Variants in ABCC9 observed in about 807,000 individuals in gnomAD.
The protein encoded by ABCC9 is ATP binding cassette subfamily C member 9.
Under a neutral mutation model 188.3 loss-of-function variants are expected in ABCC9, and 95 were observed. The ratio of observed to expected loss-of-function variants is 0.50; its 90% CI spans 0.43 to 0.60. The LOEUF (loss-of-function observed/expected upper bound fraction) is 0.60, where lower values mean the gene tolerates loss of function less well. Ranked by LOEUF, ABCC9 falls within the 20% of genes least tolerant of loss-of-function variation. The pLI is 0.00. For missense variants in ABCC9, 1,102 were observed against 1,876.3 expected, an observed-to-expected ratio of 0.59 and a Z score of 7.62; for synonymous variants, 659 against 652.7, an observed-to-expected ratio of 1.01 and a Z score of -0.15.
At chr12:21,849,809 A>C (rs538882321) in intron 24 of ABCC9, among the ~76,000 whole-genome samples, 1 of 152,280 alleles carries the variant, frequency 6.6e-6, no homozygotes, top group Non-Finnish European at 1.5e-5. Flanking sequence ...AGGAGTGTTA[A>C]ATAATACCAG....
At position 21,882,645 on chromosome 12, in the gene ABCC9, G is replaced by A. The variant is rs1946678256; in HGVS notation, c.2019+121C>T. ...AGAATTTTTTTTTAAATGTTATTAG[G>A]GTTAATGACAACTGTAAAAACAATT... On this transcript the variant is annotated intron_variant, in intron 16 of 39. Transcript: ENST00000261200. 134 of 856,748 alleles carry A rather than the reference G, an allele frequency of 1.6e-4. 2 individuals are homozygous for A. In the South Asian group the frequency reaches 2.0e-3, roughly 13 times the overall value. The allele number at this position is 856,748 out of a possible 1,614,324, so 53.1% of individuals were successfully genotyped here.
At position 21,812,035 on chromosome 12, in the gene ABCC9, AAT is replaced by A. The variant is rs1483541485; in HGVS notation, c.4211+12_4211+13del. ...ATCCTAAGGCATACAGGTGTTGCTA[AAT>A]ATGTTACCTACCTAATGGAACCACT... On this transcript the variant is annotated intron_variant, in intron 36 of 39. Coordinates refer to ENST00000261200, the MANE Select transcript of ABCC9 (RefSeq NM_020297.4). The A allele has an allele frequency of 6.4e-7, 1 of 1,566,606 alleles. No homozygotes were observed. The highest frequency in any genetic ancestry group is 1.1e-5 in the South Asian group (1 of 90,164).
At chr12:21,894,258 C>G in intron 13 of ABCC9, 84 bp from the exon 14 acceptor site, 1 of 1,443,584 alleles carries the variant, frequency 6.9e-7, no homozygotes. Context: ...CTAACATATT[C>G]TGCTATGCCA....
chr12:21,829,021 C>G lies in ABCC9; in HGVS notation c.3606G>C (p.Thr1202=), dbSNP rs143316915. The change falls in exon 31 of 40, where the codon ACG becomes ACC. Residue 1202 remains threonine, a synonymous_variant. Coordinates refer to ENST00000261200, the MANE Select transcript of ABCC9 (RefSeq NM_020297.4). The part of the protein sequence containing the change: ...TRFKQRMLEL[T]DTNNIAYLFL... ...ATAAGTAGGCAATGTTGTTTGTATC[C>G]GTCAGTTCCAGCATACGTTGTTTAA... is the stretch of plus-strand genomic sequence containing the variant. 1 of 1,613,740 alleles carries G rather than the reference C, an allele frequency of 6.2e-7. No individual in the cohort carries two copies. Among genetic ancestry groups the G allele is most frequent in the African/African-American group, 1.3e-5 (1 of 74,840 alleles).
At position 21,848,396 on chromosome 12, in the gene ABCC9, A is replaced by G. The variant is rs1312500010; in HGVS notation, c.2770-150T>C. ...TGGAGATCCACAACTCCTGTCACAG[A>G]AACAGCTGTGGGGGCAGAACCTTAG... On this transcript the variant is annotated intron_variant, in intron 24 of 39. Transcript: ENST00000261200. 5 of 714,434 alleles carry G rather than the reference A, an allele frequency of 7.0e-6. No individual in the cohort carries two copies. In the Admixed American group the frequency reaches 1.0e-4, roughly 15 times the overall value. 44.3% of individuals were successfully genotyped at this position (714,434 alleles called of 1,614,324 possible).
chr12:21,855,615 C>T (rs1289814884), intron 22 of ABCC9, among the ~76,000 whole-genome samples: 1 of 152,202 alleles, frequency 6.6e-6, no homozygotes, highest in Non-Finnish European at 1.5e-5. Flanking sequence ...TATGACCACT[C>T]TTGGAGGCTG....
At chr12:21,878,139 TGAA>T (rs1946455417) in intron 16 of ABCC9, among the ~76,000 whole-genome samples, 1 of 152,132 alleles carries the variant, frequency 6.6e-6, no homozygotes, top group African/African-American at 2.4e-5. Flanking sequence ...TGACCAAGTG[TGAA>T]TCCAAATTAT....
chr12:21,905,429 T>A (rs1398385592), intron 12 of ABCC9, among the ~76,000 whole-genome samples: 2 of 151,126 alleles, frequency 1.3e-5, no homozygotes, highest in African/African-American at 4.9e-5. Flanking sequence ...AAAAAAAGAA[T>A]GCTATGATTT....
rs1941291426 is a variant in ABCC9 at position 21,798,891 on chromosome 12, T to C, written c.*2153A>G. On this transcript the variant is annotated 3_prime_UTR_variant, in exon 40 of 40. Transcript: ENST00000261200. Reference sequence around the variant, plus strand: ...GACTGGATTAAGAAAATGTGGCACATATACACCATGGAATACTATGCAGCC... The same window carrying C: ...GACTGGATTAAGAAAATGTGGCACACATACACCATGGAATACTATGCAGCC... 1 of 150,162 alleles carries C rather than the reference T, an allele frequency of 6.7e-6. No individual in the cohort carries two copies. The highest frequency in any genetic ancestry group is 6.7e-5 in the Admixed American group (1 of 14,982). The allele number at this position is 150,162 out of a possible 1,614,324, so 9.3% of individuals were successfully genotyped here. A position where few individuals can be genotyped will look rare whatever the true frequency, so the allele number is the denominator to read the frequency against.
At chr12:21,832,881 A>G (rs1233959170) in intron 30 of ABCC9, among the ~76,000 whole-genome samples, 1 of 152,224 alleles carries the variant, frequency 6.6e-6, no homozygotes, top group Non-Finnish European at 1.5e-5. Flanking sequence ...CTAAATGCCC[A>G]TTAACCAGTG....
chr12:21,864,982 G>C (rs1945709759), intron 18 of ABCC9, among the ~76,000 whole-genome samples: 2 of 152,094 alleles, frequency 1.3e-5, no homozygotes, highest in African/African-American at 4.8e-5. Context: ...AAGAAAAACA[G>C]ACATGCACCA....
chr12:21,862,802 A>G, intron 20 of ABCC9, 151 bp downstream of exon 20: 2 of 631,954 alleles, frequency 3.2e-6, no homozygotes, highest in East Asian at 5.6e-5. Context: ...CAAAGAATTG[A>G]TTCAAAAGAC....
At chr12:21,876,435 A>T (rs1420892465) in intron 16 of ABCC9, among the ~76,000 whole-genome samples, 1 of 152,204 alleles carries the variant, frequency 6.6e-6, no homozygotes, top group Non-Finnish European at 1.5e-5. Context: ...GAGGAGGAAA[A>T]TTTTGTAATC....
intron 16 of ABCC9, 69 bp downstream of exon 16, chr12:21,882,697 C>G: frequency 7.2e-7 from 1 of 1,383,664 alleles, no homozygotes; most frequent in Non-Finnish European, 1.0e-6. Context: ...GACACTTTCA[C>G]AGAACTTCAC....
chr12:21,819,339 G>A (rs1565698014), intron 31 of ABCC9, among the ~76,000 whole-genome samples: 2 of 152,074 alleles, frequency 1.3e-5, no homozygotes, highest in Non-Finnish European at 1.5e-5. Flanking sequence ...CTCACAACTA[G>A]ATGATAACAC....
chr12:21,858,796 G>C (rs1945356662), intron 22 of ABCC9, among the ~76,000 whole-genome samples: 1 of 152,130 alleles, frequency 6.6e-6, no homozygotes, highest in Non-Finnish European at 1.5e-5. Context: ...CTAGAGATTA[G>C]ATGGAGTGAA....
chr12:21,900,707 T>C (rs1277257411), intron 12 of ABCC9, among the ~76,000 whole-genome samples: 1 of 152,056 alleles, frequency 6.6e-6, no homozygotes, highest in Admixed American at 6.5e-5. Context: ...GGAAAGGATA[T>C]CAGTGATGGA....
chr12:21,937,886 G>A (rs906976137), intron 2 of ABCC9: 2 of 152,032 alleles, frequency 1.3e-5, no homozygotes, highest in South Asian at 2.1e-4. Flanking sequence ...AGAAGCTATC[G>A]TATCTATTCT....
chr12:21,839,078 A>G (rs540974209), intron 29 of ABCC9, among the ~76,000 whole-genome samples: 3 of 152,332 alleles, frequency 2.0e-5, no homozygotes, highest in East Asian at 3.9e-4. Context: ...CCTTTAATCA[A>G]CATAACTTGG....
Sources: gnomAD v4.1 joint callset for allele counts (sites outside exome capture counted in the v4.1 genomes callset) on GRCh38, gnomAD v4.1.1 for gene constraint, MANE v1.5 for transcripts, NCBI Gene and HGNC (gene_info 2026-07-23, HGNC 2026-07-21) for gene names.